CHLSN: variants seen among roughly 807,000 people sequenced by gnomAD.
CHLSN encodes the protein protein cholesin.
At chr7:1,009,158 A>T in the CHLSN span, among the ~76,000 whole-genome samples, 3 of 152,098 alleles carry the variant, frequency 2.0e-5, no homozygotes, top group Non-Finnish European at 4.4e-5. Context: ...CATCTCTCCG[A>T]GGGCCTCCCA....
chr7:1,020,518 G>A, the CHLSN span, among the ~76,000 whole-genome samples: 1 of 152,234 alleles, frequency 6.6e-6, no homozygotes, highest in African/African-American at 2.4e-5. Context: ...TATGTCTGGC[G>A]GATACCACAC....
the CHLSN span, chr7:987,195 C>A: frequency 6.4e-7 from 1 of 1,552,380 alleles, no homozygotes; most frequent in Non-Finnish European, 8.7e-7. Context: ...ACGACCTCGG[C>A]CACGCTGCAG....
the CHLSN span, among the ~76,000 whole-genome samples, chr7:1,012,877 G>A: frequency 6.6e-6 from 1 of 152,198 alleles, no homozygotes; most frequent in African/African-American, 2.4e-5. Context: ...CTATGCTCGC[G>A]CTCACTGTCC....
chr7:1,008,903 T>TACACGC, the CHLSN span, among the ~76,000 whole-genome samples: 5 of 150,368 alleles, frequency 3.3e-5, no homozygotes, highest in Non-Finnish European at 7.4e-5. Flanking sequence ...TGCACACACG[T>TACACGC]ACACAACACA....
chr7:1,059,942 CCG>C, the CHLSN span, among the ~76,000 whole-genome samples: 16 of 60,766 alleles, frequency 2.6e-4, no homozygotes, highest in South Asian at 5.9e-4. Flanking sequence ...TGGGGCGGGT[CCG>C]TAATGAGGCG....
the CHLSN span, among the ~76,000 whole-genome samples, chr7:1,042,930 C>G: frequency 0.66 from 100,439 of 151,948 alleles, 34,755 homozygotes; most frequent in African/African-American, 0.87. Context: ...GTGACCTGGG[C>G]TAAGTTGCTT....
chr7:999,919 C>G, the CHLSN span, among the ~76,000 whole-genome samples: 5 of 152,378 alleles, frequency 3.3e-5, no homozygotes, highest in African/African-American at 1.2e-4. Flanking sequence ...CTGTGAAACT[C>G]TATCTCACAT....
At chr7:1,126,349 GACTCTGTCTCAAAAAAAAA>G in the CHLSN span, among the ~76,000 whole-genome samples, 1 of 100,218 alleles carries the variant, frequency 1.0e-5, no homozygotes, top group Non-Finnish European at 1.8e-5. Context: ...GACAGAGCGA[GACTCTGTCTCAAAAAAAAA>G]AAAAAAAAAA....
At chr7:1,052,249 C>A in the CHLSN span, among the ~76,000 whole-genome samples, 1 of 152,234 alleles carries the variant, frequency 6.6e-6, no homozygotes, top group Non-Finnish European at 1.5e-5. This position sits in a 1 kb window ranked among gnomAD's most constrained non-coding sequence, Gnocchi z 4.2. Context: ...TGCGTCGAGG[C>A]GTGCCCTCCT....
the CHLSN span, among the ~76,000 whole-genome samples, chr7:1,088,707 T>C: frequency 6.6e-6 from 1 of 152,178 alleles, no homozygotes; most frequent in Non-Finnish European, 1.5e-5. This position sits in a 1 kb window ranked among gnomAD's most constrained non-coding sequence, Gnocchi z 4.5. Flanking sequence ...CCACACGCCT[T>C]TTGACAGATG....
chr7:1,021,618 C>T, the CHLSN span: 1 of 973,910 alleles, frequency 1.0e-6, no homozygotes. Flanking sequence ...GGACAATCTG[C>T]CAGCCCCAGT....
At chr7:993,502 G>C in the CHLSN span, among the ~76,000 whole-genome samples, 12 of 152,188 alleles carry the variant, frequency 7.9e-5, no homozygotes, top group Non-Finnish European at 1.3e-4. Context: ...ACTGGGCACC[G>C]AGTCATCCAG....
the CHLSN span, among the ~76,000 whole-genome samples, chr7:1,033,802 G>A: frequency 6.6e-6 from 1 of 152,106 alleles, no homozygotes; most frequent in Middle Eastern, 3.4e-3. Context: ...GGTAATGGGG[G>A]TGCCTCCTGA....
chr7:1,136,558 A>ATATAAATATATG, the CHLSN span, among the ~76,000 whole-genome samples: 2 of 77,304 alleles, frequency 2.6e-5, no homozygotes, highest in African/African-American at 1.0e-4. Context: ...ATAAACATAT[A>ATATAAATATATG]TAAACATATA....
At chr7:1,018,565 C>T in the CHLSN span, among the ~76,000 whole-genome samples, 92 of 152,300 alleles carry the variant, frequency 6.0e-4, no homozygotes, top group Admixed American at 2.1e-3. Context: ...CTGGCGTGGG[C>T]TCCAGCTGAG....
chr7:1,009,584 A>C, the CHLSN span, among the ~76,000 whole-genome samples: 1 of 152,116 alleles, frequency 6.6e-6, no homozygotes, highest in East Asian at 1.9e-4. Context: ...ACTGTGAGTG[A>C]GGGCTGAAGG....
chr7:1,121,861 C>CACTGCACTCACACAGGGCAGCGT, the CHLSN span, among the ~76,000 whole-genome samples: 1 of 152,282 alleles, frequency 6.6e-6, no homozygotes, highest in Non-Finnish European at 1.5e-5. Flanking sequence ...TGCACCCACC[C>CACTGCACTCACACAGGGCAGCGT]ACTGCACTCA....
the CHLSN span, among the ~76,000 whole-genome samples, chr7:993,705 G>A: frequency 2.6e-5 from 4 of 152,314 alleles, no homozygotes; most frequent in African/African-American, 9.6e-5. Flanking sequence ...GAGCCCAGGG[G>A]GGTGGAGGTG....
chr7:1,115,571 CA>C, the CHLSN span, among the ~76,000 whole-genome samples: 3 of 135,422 alleles, frequency 2.2e-5, no homozygotes, highest in Non-Finnish European at 4.9e-5. Flanking sequence ...AGGCTTCCAT[CA>C]CCAACGCCCA....
Sources: allele counts gnomAD v4.1 joint callset (sites outside exome capture counted in the v4.1 genomes callset), GRCh38; gene constraint gnomAD v4.1.1; non-coding constraint Gnocchi (gnomAD v3.1); transcripts MANE v1.5; gene names NCBI Gene and HGNC (gene_info 2026-07-23, HGNC 2026-07-21).